HSD17B12: variants seen among roughly 807,000 people sequenced by gnomAD.
HSD17B12 encodes very-long-chain 3-oxoacyl-CoA reductase.
In HSD17B12, 32 loss-of-function variants were observed where a neutral mutation model predicts 39.3. The observed-to-expected ratio is 0.81, with a 90% confidence interval of 0.61 to 1.09. The LOEUF (loss-of-function observed/expected upper bound fraction) is 1.09, where lower values mean the gene tolerates loss of function less well. Ranked by LOEUF, HSD17B12 falls within the 50% of genes least tolerant of loss-of-function variation. The probability of loss-of-function intolerance (pLI) is 0.00; values close to 1 mark genes in which losing one functional copy is unlikely to be tolerated. For synonymous variants in HSD17B12, 150 were observed against 146.7 expected (o/e 1.02, Z -0.16); for missense variants, 342 against 382.9 (o/e 0.89, Z 0.89).
At chr11:43,654,873 A>C in the HSD17B12 span, among the ~76,000 whole-genome samples, 1 of 152,208 alleles carries the variant, frequency 6.6e-6, no homozygotes, top group African/African-American at 2.4e-5. Context: ...TGACTTGGCA[A>C]TGCGGGCTCT....
chr11:43,656,316 G>C, the HSD17B12 span, among the ~76,000 whole-genome samples: 1 of 151,818 alleles, frequency 6.6e-6, no homozygotes, highest in South Asian at 2.1e-4. Flanking sequence ...TCTTGCTAGC[G>C]GTCTATCAAT....
the HSD17B12 span, among the ~76,000 whole-genome samples, chr11:43,566,535 T>A: frequency 3.2e-5 from 4 of 123,648 alleles, no homozygotes; most frequent in Non-Finnish European, 7.0e-5. Flanking sequence ...GACCCAGAAC[T>A]TTTTTTTTTT....
chr11:43,768,048 G>A (rs1163739506), intron 3 of HSD17B12, among the ~76,000 whole-genome samples: 2 of 152,168 alleles, frequency 1.3e-5, no homozygotes, highest in Non-Finnish European at 2.9e-5. Context: ...CGAAGTCTGG[G>A]GAGAGACCAA....
At chr11:43,714,586 A>C (rs1431891076) in intron 1 of HSD17B12, among the ~76,000 whole-genome samples, 4 of 152,190 alleles carry the variant, frequency 2.6e-5, no homozygotes, top group African/African-American at 9.7e-5. Flanking sequence ...CTTTTGGCTT[A>C]GGATTGACTT....
At chr11:43,602,176 G>A in the HSD17B12 span, among the ~76,000 whole-genome samples, 2 of 152,086 alleles carry the variant, frequency 1.3e-5, no homozygotes, top group Admixed American at 6.6e-5. Context: ...TTGAGGAGCC[G>A]ATCTACAGTT....
chr11:43,560,098 G>A, the HSD17B12 span, among the ~76,000 whole-genome samples: 19 of 152,064 alleles, frequency 1.2e-4, no homozygotes, highest in Admixed American at 9.2e-4. Flanking sequence ...GAATTTTACC[G>A]TTCATCTTTA....
chr11:43,597,365 C>T, the HSD17B12 span, among the ~76,000 whole-genome samples: 1 of 152,114 alleles, frequency 6.6e-6, no homozygotes, highest in Non-Finnish European at 1.5e-5. Flanking sequence ...GTGATTGGAA[C>T]ATTGGATAAA....
the HSD17B12 span, among the ~76,000 whole-genome samples, chr11:43,636,124 C>G: frequency 6.6e-6 from 1 of 152,326 alleles, no homozygotes; most frequent in African/African-American, 2.4e-5. Context: ...CAGGAAAGGA[C>G]AGCTTTCCCT....
the HSD17B12 span, among the ~76,000 whole-genome samples, chr11:43,631,348 A>T: frequency 6.6e-6 from 1 of 152,156 alleles, no homozygotes; most frequent in Non-Finnish European, 1.5e-5. Flanking sequence ...ATAGTAAAGG[A>T]TCTTCCAAAC....
chr11:43,590,390 T>C, the HSD17B12 span, among the ~76,000 whole-genome samples: 1 of 133,658 alleles, frequency 7.5e-6, no homozygotes, highest in Non-Finnish European at 1.5e-5. Context: ...AGGGGAACCA[T>C]GATCCCCAGG....
the HSD17B12 span, among the ~76,000 whole-genome samples, chr11:43,582,337 A>C: frequency 1.3e-5 from 2 of 152,128 alleles, no homozygotes; most frequent in Non-Finnish European, 2.9e-5. Flanking sequence ...GGAGGGGGGC[A>C]AAGCTGCAGG....
the HSD17B12 span, among the ~76,000 whole-genome samples, chr11:43,572,917 T>G: frequency 6.6e-6 from 1 of 152,150 alleles, no homozygotes; most frequent in Non-Finnish European, 1.5e-5. Flanking sequence ...AGCTGGACTG[T>G]TTTTCCTTCT....
chr11:43,652,692 A>C, the HSD17B12 span, among the ~76,000 whole-genome samples: 1 of 152,052 alleles, frequency 6.6e-6, no homozygotes, highest in Non-Finnish European at 1.5e-5. Context: ...ACATGAAGAG[A>C]TACATGGGGC....
chr11:43,817,879 A>G (rs1951145133), intron 6 of HSD17B12, among the ~76,000 whole-genome samples: 1 of 152,128 alleles, frequency 6.6e-6, no homozygotes, highest in African/African-American at 2.4e-5. Flanking sequence ...AGTTCTGTGA[A>G]GAATGGCGGT....
At chr11:43,792,838 A>G (rs1277148636) in intron 3 of HSD17B12, among the ~76,000 whole-genome samples, 1 of 151,908 alleles carries the variant, frequency 6.6e-6, no homozygotes, top group African/African-American at 2.4e-5. Flanking sequence ...TTATATTTTA[A>G]TATGCCTAAT....
intron 1 of HSD17B12, among the ~76,000 whole-genome samples, chr11:43,742,139 A>ATATTTTTTTT (rs61178234): frequency 8.1e-6 from 1 of 123,510 alleles, no homozygotes; most frequent in African/African-American, 3.0e-5. Context: ...ATATATATAT[A>ATATTTTTTTT]TTTTTTTTTT....
At chr11:43,822,238 G>C (rs1392679869) in intron 6 of HSD17B12, among the ~76,000 whole-genome samples, 4 of 152,144 alleles carry the variant, frequency 2.6e-5, no homozygotes, top group Non-Finnish European at 4.4e-5. Flanking sequence ...ATACTGTTCT[G>C]TTTTGTTGTT....
At position 43,741,858 on chromosome 11, in the gene HSD17B12, C is replaced by G. The variant is rs1352177336; in HGVS notation, c.161-9053C>G. On this transcript the variant is annotated intron_variant, in intron 1 of 10. Coordinates refer to ENST00000278353, the MANE Select transcript of HSD17B12 (RefSeq NM_016142.3). Reference sequence around the variant, plus strand: ...ACTCCATCCTCCTGCCTCAGCCTCCCAAGCAGCTGGGACTACAGGCGCCTG... The same window carrying G: ...ACTCCATCCTCCTGCCTCAGCCTCCGAAGCAGCTGGGACTACAGGCGCCTG... Among the ~76,000 whole-genome samples, 4 of 150,270 alleles carry G rather than the reference C, an allele frequency of 2.7e-5. No homozygotes were observed. The East Asian group carries it at 7.9e-4, about 29-fold the overall frequency.
chr11:43,581,750 T>C, the HSD17B12 span, among the ~76,000 whole-genome samples: 69,616 of 151,952 alleles, frequency 0.46, 16,393 homozygotes, highest in East Asian at 0.73. The surrounding 1 kb of genome is among the most constrained non-coding windows in gnomAD (Gnocchi z 4.9). Flanking sequence ...GAGAAGAAGC[T>C]AAAATGCAAT....
Sources: allele counts gnomAD v4.1 joint callset (sites outside exome capture counted in the v4.1 genomes callset), GRCh38; gene constraint gnomAD v4.1.1; non-coding constraint Gnocchi (gnomAD v3.1); transcripts MANE v1.5; gene names NCBI Gene and HGNC (gene_info 2026-07-23, HGNC 2026-07-21).